EYA3: variants seen among roughly 807,000 people sequenced by gnomAD.
The protein encoded by EYA3 is EYA transcriptional coactivator and phosphatase 3, also known as protein phosphatase EYA3.
In EYA3, 39 loss-of-function variants were observed where a neutral mutation model predicts 80.0. The observed-to-expected ratio is 0.49, with a 90% confidence interval of 0.38 to 0.64. EYA3 has a LOEUF of 0.64. EYA3 is among the 30% of genes least tolerant of loss of function. The pLI, the probability that EYA3 is intolerant of heterozygous loss-of-function variation, is 0.00. For missense variants in EYA3, 523 were observed against 676.1 expected (o/e 0.77, Z 2.51); for synonymous variants, 206 against 232.8 (o/e 0.88, Z 1.05).
chr1:28,051,813 T>C (rs1446699545), intron 2 of EYA3, among the ~76,000 whole-genome samples: 2 of 152,110 alleles, frequency 1.3e-5, no homozygotes, highest in Non-Finnish European at 2.9e-5. Flanking sequence ...GAAAGAAGAA[T>C]TCATCTTGTA....
chr1:28,013,562 C>T lies in EYA3; in HGVS notation c.586-268G>A, dbSNP rs1453848918. On this transcript the variant is annotated intron_variant, in intron 8 of 17. Transcript: ENST00000373871. This position sits in a 1 kb window ranked among gnomAD's most constrained non-coding sequence, Gnocchi z 4.0. Reference sequence around the variant, plus strand: ...GGTCTTCTGTACTCTCATAAACATACACATGGTGTCCCTTTTTGTACTCTA... The same window carrying T: ...GGTCTTCTGTACTCTCATAAACATATACATGGTGTCCCTTTTTGTACTCTA... 6.6e-6 allele frequency among the ~76,000 whole-genome samples: 1 copy of T among 152,130 alleles called. No individual in the cohort carries two copies. Among genetic ancestry groups the T allele is most frequent in the African/African-American group, 2.4e-5 (1 of 41,422 alleles).
intron 16 of EYA3, among the ~76,000 whole-genome samples, chr1:27,985,540 A>G (rs12031544): frequency 0.35 from 53,597 of 151,738 alleles, 10,107 homozygotes; most frequent in South Asian, 0.46. Flanking sequence ...AGAGGACCCC[A>G]GGGCGTAGTT....
At chr1:28,078,279 G>T (rs1462360187) in intron 1 of EYA3, among the ~76,000 whole-genome samples, 1 of 152,096 alleles carries the variant, frequency 6.6e-6, no homozygotes, top group Non-Finnish European at 1.5e-5. Flanking sequence ...CTGTAGCCTT[G>T]ATAACCTTTA....
chr1:28,016,281 A>T (rs1642059707), intron 8 of EYA3, among the ~76,000 whole-genome samples: 1 of 152,200 alleles, frequency 6.6e-6, no homozygotes, highest in Admixed American at 6.5e-5. Flanking sequence ...TAATCCCAGC[A>T]CTTTGGGAGG....
chr1:28,029,281 T>G (rs1642972980), intron 6 of EYA3, among the ~76,000 whole-genome samples: 1 of 152,240 alleles, frequency 6.6e-6, no homozygotes. Flanking sequence ...AAAACTGTGC[T>G]GTGCTACATA....
rs1240997548 is a variant in EYA3 at position 27,972,340 on chromosome 1, T to A, written c.*2126A>T. On this transcript the variant is annotated 3_prime_UTR_variant, in exon 18 of 18. Transcript: ENST00000373871. ...AAGGGAAGGCCTACCTCACACTACATCTCCCTCCTCCCAACCCCACAGGAA... is the reference window on the plus strand; with the variant it reads ...AAGGGAAGGCCTACCTCACACTACAACTCCCTCCTCCCAACCCCACAGGAA... 1.3e-5 allele frequency: 2 copies of A among 152,032 alleles called. No homozygotes were observed. Among genetic ancestry groups the A allele is most frequent in the Admixed American group, 1.3e-4 (2 of 15,226 alleles). The allele number at this position is 152,032 out of a possible 1,614,324, so 9.4% of individuals were successfully genotyped here. A position where few individuals can be genotyped will look rare whatever the true frequency, so the allele number is the denominator to read the frequency against.
chr1:27,975,416 A>T (rs1049805003), intron 17 of EYA3, among the ~76,000 whole-genome samples: 2 of 152,172 alleles, frequency 1.3e-5, no homozygotes, highest in Non-Finnish European at 2.9e-5. Flanking sequence ...CCTGGGCTCA[A>T]GCAATCCTCC....
At chr1:27,985,604 T>C (rs1034787826) in intron 16 of EYA3, among the ~76,000 whole-genome samples, 1 of 152,114 alleles carries the variant, frequency 6.6e-6, no homozygotes, top group Non-Finnish European at 1.5e-5. Context: ...GTTGTTGAGG[T>C]GGAGTCTCGC....
At chr1:28,063,008 CAA>C (rs1250302998) in intron 1 of EYA3, among the ~76,000 whole-genome samples, 25 of 85,236 alleles carry the variant, frequency 2.9e-4, no homozygotes, top group Admixed American at 4.0e-4. Flanking sequence ...CGCTCCATCT[CAA>C]AAAAAAAAAA....
intron 1 of EYA3, among the ~76,000 whole-genome samples, chr1:28,063,584 G>C (rs1644722912): frequency 6.6e-6 from 1 of 152,068 alleles, no homozygotes; most frequent in Non-Finnish European, 1.5e-5. Flanking sequence ...CTGGCCTCAA[G>C]TGATCCACCA....
chr1:28,057,897 T>A, intron 2 of EYA3, 97 bp downstream of exon 2: 1 of 657,648 alleles, frequency 1.5e-6, no homozygotes, highest in Non-Finnish European at 2.4e-6. Context: ...TTCCTTATTT[T>A]TATTTCTAAT....
At chr1:28,023,249 CT>C (rs1326540882) in intron 7 of EYA3, among the ~76,000 whole-genome samples, 1 of 152,122 alleles carries the variant, frequency 6.6e-6, no homozygotes, top group African/African-American at 2.4e-5. Context: ...AAAAAAATGA[CT>C]GAATAAATCA....
At chr1:28,021,278 C>A (rs1382774573) in intron 7 of EYA3, among the ~76,000 whole-genome samples, 1 of 152,188 alleles carries the variant, frequency 6.6e-6, no homozygotes, top group Non-Finnish European at 1.5e-5. Flanking sequence ...AACCCCCTTG[C>A]CTTCCCAGCA....
chr1:28,019,010 A>G (rs1314944255), intron 7 of EYA3, among the ~76,000 whole-genome samples: 4 of 152,060 alleles, frequency 2.6e-5, no homozygotes, highest in East Asian at 1.9e-4. Context: ...CACTAAAAAT[A>G]CAAAAATTAA....
chr1:28,010,029 T>C (rs1641581037), intron 10 of EYA3, among the ~76,000 whole-genome samples: 1 of 152,224 alleles, frequency 6.6e-6, no homozygotes, highest in Admixed American at 6.5e-5. Flanking sequence ...ACTTTTTCTT[T>C]CTTTCTTCTT....
At chr1:28,011,119 G>C (rs1045259458) in intron 9 of EYA3, 33 bp from the exon 10 acceptor site, 1 of 1,603,036 alleles carries the variant, frequency 6.2e-7, no homozygotes, top group Non-Finnish European at 8.5e-7. Context: ...ATGTTGTCAG[G>C]AGTCACAGGC....
intron 3 of EYA3, among the ~76,000 whole-genome samples, chr1:28,044,289 C>A (rs1348780677): frequency 6.6e-6 from 1 of 152,194 alleles, no homozygotes; most frequent in Non-Finnish European, 1.5e-5. Context: ...CAATAACTAG[C>A]CCTATGACCT....
At chr1:28,003,462 T>C (rs905849614) in intron 11 of EYA3, among the ~76,000 whole-genome samples, 1 of 149,944 alleles carries the variant, frequency 6.7e-6, no homozygotes, top group African/African-American at 2.5e-5. Flanking sequence ...AGAGCAAGAC[T>C]CTCTCTCAAA....
intron 1 of EYA3, among the ~76,000 whole-genome samples, chr1:28,085,455 T>G (rs1294485507): frequency 2.0e-5 from 3 of 152,072 alleles, no homozygotes; most frequent in Non-Finnish European, 4.4e-5. Context: ...TTTTGTTTTT[T>G]GTCTCAAAAA....
Sources: gnomAD v4.1 joint callset for allele counts (sites outside exome capture counted in the v4.1 genomes callset) on GRCh38, gnomAD v4.1.1 for gene constraint, Gnocchi (gnomAD v3.1) non-coding constraint, MANE v1.5 for transcripts, NCBI Gene and HGNC (gene_info 2026-07-23, HGNC 2026-07-21) for gene names.